CDIN1: variants seen among roughly 807,000 people sequenced by gnomAD.
CDIN1 encodes the protein CDAN1 interacting nuclease 1.
Under a neutral mutation model 45.3 loss-of-function variants are expected in CDIN1, and 33 were observed. The observed-to-expected ratio is 0.73, with a 90% confidence interval of 0.55 to 0.97. The LOEUF (loss-of-function observed/expected upper bound fraction) is 0.97, where lower values mean the gene tolerates loss of function less well. CDIN1 is among the 50% of genes least tolerant of loss of function. The pLI is 0.00. For synonymous variants in CDIN1, 118 were observed against 124.4 expected (o/e 0.95, Z 0.34); for missense variants, 303 against 339.4 (o/e 0.89, Z 0.84).
intron 10 of CDIN1, among the ~76,000 whole-genome samples, chr15:36,714,963 C>T (rs753322891): frequency 3.2e-4 from 48 of 152,154 alleles, no homozygotes; most frequent in Non-Finnish European, 4.9e-4. Context: ...CTCCTTACTT[C>T]ATGGATTCAG....
chr15:36,800,905 GTGTGTATATATATATATATATATATATA>G (rs1469789702), intron 10 of CDIN1, among the ~76,000 whole-genome samples: 3 of 22,102 alleles, frequency 1.4e-4, no homozygotes, highest in African/African-American at 3.6e-4. Context: ...GTGTGTGTGT[GTGTGTATATATATATATATATATATATA>G]TATATATATA....
intron 1 of CDIN1, among the ~76,000 whole-genome samples, chr15:36,623,364 A>G (rs543622229): frequency 1.4e-3 from 211 of 152,332 alleles, no homozygotes; most frequent in African/African-American, 4.9e-3. Flanking sequence ...CTGTAATTTT[A>G]AACATACTGT....
chr15:36,602,247 C>T (rs929708380), intron 1 of CDIN1, among the ~76,000 whole-genome samples: 3 of 152,190 alleles, frequency 2.0e-5, no homozygotes, highest in African/African-American at 7.2e-5. Context: ...CTAATGTCCT[C>T]CAATAACCAA....
intron 1 of CDIN1, among the ~76,000 whole-genome samples, chr15:36,632,655 C>T (rs1479381133): frequency 6.6e-6 from 1 of 152,144 alleles, no homozygotes; most frequent in East Asian, 1.9e-4. Flanking sequence ...GTGTGTACAC[C>T]TTTTCTTCTG....
chr15:36,729,521 C>CCTTTTGTTTTAAATGATAAACACCAA (rs1305756092), intron 10 of CDIN1, among the ~76,000 whole-genome samples: 1 of 152,102 alleles, frequency 6.6e-6, no homozygotes, highest in Non-Finnish European at 1.5e-5. Flanking sequence ...ACCAAGAAGT[C>CCTTTTGTTTTAAATGATAAACACCAA]GTGTCCTTTT....
In CDIN1 at chr15:36,620,134, G is replaced by A. The variant is rs2602924; in HGVS notation, c.102-24144G>A. Among the ~76,000 whole-genome samples, 495 of 152,112 alleles carry A rather than the reference G, an allele frequency of 3.3e-3. 4 individuals carry two copies. The highest frequency in any genetic ancestry group is 0.011 in the African/African-American group (465 of 41,510). On this transcript the variant is annotated intron_variant, in intron 1 of 10. Transcript: ENST00000566621. ...TGGGAGGCCGAGGTGGGCGGATCAC[G>A]AGGTCAGGAGATCGAGACCATCCTG...
intron 8 of CDIN1, among the ~76,000 whole-genome samples, chr15:36,698,614 G>A (rs1463303310): frequency 6.6e-6 from 1 of 152,222 alleles, no homozygotes; most frequent in Non-Finnish European, 1.5e-5. Context: ...GAACCAGGTA[G>A]TTCTGATAGT....
intron 4 of CDIN1, among the ~76,000 whole-genome samples, chr15:36,655,804 C>CT (rs749256700): frequency 6.6e-6 from 1 of 152,096 alleles, no homozygotes; most frequent in Non-Finnish European, 1.5e-5. Context: ...TGGTACCCAT[C>CT]TATATAGATG....
chr15:36,692,972 G>A (rs570269470), intron 7 of CDIN1, among the ~76,000 whole-genome samples: 52 of 152,142 alleles, frequency 3.4e-4, no homozygotes, highest in African/African-American at 6.3e-4. Flanking sequence ...ATTTCTATCC[G>A]AGTCCATGAA....
chr15:36,620,255 G>A (rs2039115165), intron 1 of CDIN1, among the ~76,000 whole-genome samples: 1 of 152,134 alleles, frequency 6.6e-6, no homozygotes, highest in South Asian at 2.1e-4. Context: ...GGAGGCTGAG[G>A]CAGGAGAATG....
chr15:36,601,064 CA>C (rs200247196), intron 1 of CDIN1, among the ~76,000 whole-genome samples: 5,079 of 140,292 alleles, frequency 0.036, 203 homozygotes, highest in South Asian at 0.11. Context: ...GTAGGGGTAT[CA>C]AAAAAAAAAA....
chr15:36,804,826 C>A (rs1008069922), intron 10 of CDIN1, among the ~76,000 whole-genome samples: 1 of 151,646 alleles, frequency 6.6e-6, no homozygotes, highest in Non-Finnish European at 1.5e-5. Context: ...GCGAGCACCA[C>A]CACGCCTGGC....
intron 10 of CDIN1, among the ~76,000 whole-genome samples, chr15:36,776,515 A>G (rs75408325): frequency 0.021 from 3,170 of 152,214 alleles, 123 homozygotes; most frequent in African/African-American, 0.071. Flanking sequence ...AGTCACATAG[A>G]GCTAAAAAAT....
At chr15:36,778,545 A>G (rs1192549128) in intron 10 of CDIN1, among the ~76,000 whole-genome samples, 1 of 152,136 alleles carries the variant, frequency 6.6e-6, no homozygotes, top group Non-Finnish European at 1.5e-5. Flanking sequence ...TGATTTTGAA[A>G]TGTTTCTTAG....
At chr15:36,684,679 G>A (rs2041976429) in intron 5 of CDIN1, among the ~76,000 whole-genome samples, 1 of 152,036 alleles carries the variant, frequency 6.6e-6, no homozygotes, top group Non-Finnish European at 1.5e-5. Flanking sequence ...TGTACCTCTG[G>A]TAGAATTCGG....
At chr15:36,787,562 G>A (rs1459817564) in intron 10 of CDIN1, among the ~76,000 whole-genome samples, 1 of 152,122 alleles carries the variant, frequency 6.6e-6, no homozygotes, top group East Asian at 1.9e-4. Context: ...ATTGTATCCA[G>A]AACTGTCTTA....
chr15:36,674,665 C>T (rs1483696767), intron 5 of CDIN1, among the ~76,000 whole-genome samples: 2 of 152,078 alleles, frequency 1.3e-5, no homozygotes, highest in Non-Finnish European at 2.9e-5. Context: ...GATGTGGTTG[C>T]AGGTCCTTTG....
chr15:36,684,634 G>C (rs1233698092), intron 5 of CDIN1, among the ~76,000 whole-genome samples: 1 of 151,694 alleles, frequency 6.6e-6, no homozygotes, highest in African/African-American at 2.4e-5. Flanking sequence ...CTATTGATTG[G>C]AATAGTTTCA....
intron 3 of CDIN1, among the ~76,000 whole-genome samples, chr15:36,649,219 C>G (rs2040475643): frequency 6.6e-6 from 1 of 152,180 alleles, no homozygotes; most frequent in Admixed American, 6.5e-5. Context: ...GCAGTTTTCA[C>G]ACTGGTATAA....
Sources: allele counts gnomAD v4.1 joint callset (sites outside exome capture counted in the v4.1 genomes callset), GRCh38; gene constraint gnomAD v4.1.1; transcripts MANE v1.5; gene names NCBI Gene and HGNC (gene_info 2026-07-23, HGNC 2026-07-21).